Variants in TRAPPC9 observed in about 807,000 individuals in gnomAD.
TRAPPC9 encodes the protein IKK2 binding protein.
Under a neutral mutation model 124.0 loss-of-function variants are expected in TRAPPC9, and 83 were observed. The ratio of observed to expected loss-of-function variants is 0.67; its 90% CI spans 0.56 to 0.80. The LOEUF (loss-of-function observed/expected upper bound fraction) is 0.80. Among genes scored for constraint, TRAPPC9 ranks in the 30% least tolerant of loss-of-function variants. TRAPPC9 has a pLI of 0.00. For missense variants in TRAPPC9, 1,302 were observed against 1,508.3 expected (o/e 0.86, Z 2.27); for synonymous variants, 638 against 617.5 (o/e 1.03, Z -0.49).
At chr8:139,892,487 G>A (rs1830412884) in intron 20 of TRAPPC9, among the ~76,000 whole-genome samples, 1 of 152,238 alleles carries the variant, frequency 6.6e-6, no homozygotes, top group African/African-American at 2.4e-5. Flanking sequence ...AGACACAGGA[G>A]AAAATGTGGA....
intron 21 of TRAPPC9, chr8:139,881,153 C>T (rs909887404): frequency 2.6e-5 from 4 of 152,214 alleles, no homozygotes; most frequent in African/African-American, 7.2e-5. Context: ...CCTGCCCTCC[C>T]GAGGTTCCTC....
chr8:140,415,332 T>G (rs1439039399), intron 5 of TRAPPC9, among the ~76,000 whole-genome samples: 1 of 151,790 alleles, frequency 6.6e-6, no homozygotes, highest in Non-Finnish European at 1.5e-5. Context: ...GGTGGCCAGA[T>G]CACTTGCGGT....
intron 17 of TRAPPC9, among the ~76,000 whole-genome samples, chr8:140,069,377 C>T (rs1460886232): frequency 6.6e-6 from 1 of 152,104 alleles, no homozygotes; most frequent in Non-Finnish European, 1.5e-5. Context: ...ATGTGATCCA[C>T]CTTAAACGGC....
At chr8:139,951,305 C>A (rs1191139229) in intron 19 of TRAPPC9, among the ~76,000 whole-genome samples, 1 of 152,210 alleles carries the variant, frequency 6.6e-6, no homozygotes. Flanking sequence ...CCAGTTGGAG[C>A]TACTCATTTT....
At chr8:140,224,736 T>C (rs1323998608) in intron 16 of TRAPPC9, among the ~76,000 whole-genome samples, 2 of 152,162 alleles carry the variant, frequency 1.3e-5, no homozygotes, top group African/African-American at 4.8e-5. Flanking sequence ...CAATCTGATA[T>C]CCTAATATGC....
At chr8:140,313,733 AGG>A (rs1170784167) in intron 9 of TRAPPC9, among the ~76,000 whole-genome samples, 1 of 152,078 alleles carries the variant, frequency 6.6e-6, no homozygotes, top group African/African-American at 2.4e-5. Flanking sequence ...GGGGTGGAAA[AGG>A]GACCGTCGCC....
intron 21 of TRAPPC9, among the ~76,000 whole-genome samples, chr8:139,859,231 T>G (rs1827985258): frequency 6.6e-6 from 1 of 151,920 alleles, no homozygotes; most frequent in Non-Finnish European, 1.5e-5. Flanking sequence ...CCGTGTGACC[T>G]GAGGGGTCTC....
chr8:139,796,769 G>A lies in TRAPPC9; in HGVS notation c.3056-64567C>T, dbSNP rs576068017. On this transcript the variant is annotated intron_variant, in intron 21 of 22. Transcript: ENST00000438773. ...TATTCTCCTGGGTATATATCCAGAA[G>A]TAGAAGTTCTGGGTCATACGGTAAC... 1.8e-3 allele frequency among the ~76,000 whole-genome samples: 269 copies of A among 152,350 alleles called. 1 individual carries two copies. Among genetic ancestry groups the A allele is most frequent in the African/African-American group, 6.2e-3 (257 of 41,580 alleles).
chr8:140,082,800 A>G (rs1843916542), intron 17 of TRAPPC9, among the ~76,000 whole-genome samples: 1 of 152,210 alleles, frequency 6.6e-6, no homozygotes, highest in Non-Finnish European at 1.5e-5. Flanking sequence ...TCACAATTCT[A>G]TGTATTTCAG....
chr8:139,757,294 G>T (rs1415931457), intron 21 of TRAPPC9, among the ~76,000 whole-genome samples: 3 of 142,706 alleles, frequency 2.1e-5, no homozygotes, highest in African/African-American at 5.3e-5. Flanking sequence ...AGGGTTTGGG[G>T]ATGAGGACAG....
At chr8:139,764,814 G>A (rs558153727) in intron 21 of TRAPPC9, among the ~76,000 whole-genome samples, 80 of 152,270 alleles carry the variant, frequency 5.3e-4, no homozygotes, top group Non-Finnish European at 9.3e-4. Context: ...ACCACGGTCC[G>A]GTGCATCCAG....
At chr8:139,870,349 A>G (rs746873388) in intron 21 of TRAPPC9, among the ~76,000 whole-genome samples, 2 of 152,260 alleles carry the variant, frequency 1.3e-5, no homozygotes, top group Non-Finnish European at 2.9e-5. Context: ...ATGTAATCCA[A>G]ATGAAGCAGG....
intron 17 of TRAPPC9, among the ~76,000 whole-genome samples, chr8:140,169,806 G>T (rs2071857624): frequency 6.6e-6 from 1 of 152,142 alleles, no homozygotes; most frequent in Non-Finnish European, 1.5e-5. Flanking sequence ...TTCCTTTTCG[G>T]TTGAAGCTGT....
chr8:139,885,775 C>G lies in TRAPPC9; in HGVS notation c.3055+104G>C, dbSNP rs527831141. On this transcript the variant is annotated intron_variant, in intron 21 of 22. Transcript: ENST00000438773. Reference sequence around the variant, plus strand: ...TTCCCGTGATGACCTTCAGTACCCACCAACATTTGGGGTGCCCAGCCACAC... The same window carrying G: ...TTCCCGTGATGACCTTCAGTACCCAGCAACATTTGGGGTGCCCAGCCACAC... 25 of 1,144,010 alleles carry G rather than the reference C, an allele frequency of 2.2e-5. No homozygotes were observed. In the East Asian group the frequency reaches 5.7e-4, roughly 26 times the overall value. The allele number at this position is 1,144,010 out of a possible 1,614,324, so 70.9% of individuals were successfully genotyped here. A position where few individuals can be genotyped will look rare whatever the true frequency, so the allele number is the denominator to read the frequency against.
intron 21 of TRAPPC9, among the ~76,000 whole-genome samples, chr8:139,826,585 C>A (rs777439049): frequency 2.6e-5 from 4 of 152,136 alleles, no homozygotes; most frequent in Admixed American, 6.5e-5. Flanking sequence ...GAGGGGATAG[C>A]GGAGACCTTG....
At chr8:140,008,017 G>C (rs60265383) in intron 18 of TRAPPC9, among the ~76,000 whole-genome samples, 20,599 of 152,128 alleles carry the variant, frequency 0.14, 2,833 homozygotes, top group African/African-American at 0.35. Flanking sequence ...GTCGGTGTCA[G>C]TCCAGATAGA....
intron 17 of TRAPPC9, among the ~76,000 whole-genome samples, chr8:140,202,102 C>G (rs1298812337): frequency 6.6e-6 from 1 of 151,406 alleles, no homozygotes; most frequent in Non-Finnish European, 1.5e-5. Flanking sequence ...TTTCCTCATT[C>G]CAAATGGAGA....
At chr8:140,291,619 AC>A (rs2065664200) in intron 11 of TRAPPC9, among the ~76,000 whole-genome samples, 1 of 152,210 alleles carries the variant, frequency 6.6e-6, no homozygotes, top group Non-Finnish European at 1.5e-5. Context: ...TGTAATCCCC[AC>A]CTTCAGTGTG....
chr8:139,840,658 G>T (rs986666912), intron 21 of TRAPPC9, among the ~76,000 whole-genome samples: 4 of 152,182 alleles, frequency 2.6e-5, no homozygotes, highest in Non-Finnish European at 5.9e-5. Flanking sequence ...GGAGGGTGGC[G>T]GTTTCCACGC....
Sources: gnomAD v4.1 joint callset for allele counts (sites outside exome capture counted in the v4.1 genomes callset) on GRCh38, gnomAD v4.1.1 for gene constraint, MANE v1.5 for transcripts, NCBI Gene and HGNC (gene_info 2026-07-23, HGNC 2026-07-21) for gene names.